Variants in CSF2RA observed in about 807,000 individuals in gnomAD.
The protein encoded by CSF2RA is colony stimulating factor 2 receptor subunit alpha.
CSF2RA carries 42 observed loss-of-function variants against 51.6 expected under a neutral mutation model. The ratio of observed to expected loss-of-function variants is 0.81; its 90% CI spans 0.64 to 1.05. The LOEUF (loss-of-function observed/expected upper bound fraction) is 1.05, where lower values mean the gene tolerates loss of function less well. Among genes scored for constraint, CSF2RA ranks in the 50% least tolerant of loss-of-function variants. CSF2RA has a pLI of 0.00. For missense variants in CSF2RA, 530 were observed against 501.1 expected (o/e 1.06, Z -0.55); for synonymous variants, 222 against 193.0 (o/e 1.15, Z -1.24).
chrX:1,309,663 G>A lies in CSF2RA; in HGVS notation c.*184G>A, dbSNP rs1272934388. 1.0e-5 allele frequency: 14 copies of A among 1,361,388 alleles called. No individual in the cohort carries two copies. Among genetic ancestry groups the A allele is most frequent in the African/African-American group, 4.3e-5 (3 of 69,674 alleles). 84.3% of individuals were successfully genotyped at this position (1,361,388 alleles called of 1,614,324 possible). ...GCACTTTGGGAGGCCAAGGCAGGCG[G>A]ATCACCTGAGGTCAGGAGTTCAAGA... On this transcript the variant is annotated 3_prime_UTR_variant, in exon 13 of 13. Transcript: ENST00000381529.
chrX:1,319,450 G>A, the CSF2RA span, among the ~76,000 whole-genome samples: 1 of 149,206 alleles, frequency 6.7e-6, no homozygotes, highest in African/African-American at 2.4e-5. Flanking sequence ...ACCACACCCG[G>A]CTAATTTTTG....
intron 2 of CSF2RA, among the ~76,000 whole-genome samples, chrX:1,280,728 TTCCTCCTCCTTC>T (rs1233415279): frequency 6.7e-6 from 1 of 149,236 alleles, no homozygotes; most frequent in Non-Finnish European, 1.5e-5. Context: ...CTTCTTCTTC[TTCCTCCTCCTTC>T]TCCTCCTCCT....
In CSF2RA at chrX:1,283,387, CTTT is replaced by C. The variant is rs1166479751; in HGVS notation, c.76+609_76+611del. 2.1e-4 allele frequency among the ~76,000 whole-genome samples: 31 copies of C among 148,028 alleles called. 1 individual carries two copies. The highest frequency in any genetic ancestry group is 7.7e-4 in the African/African-American group (31 of 40,126). On this transcript the variant is annotated intron_variant, in intron 3 of 12. Coordinates refer to ENST00000381529, the MANE Select transcript of CSF2RA (RefSeq NM_172245.4). ...TCCTTCTTCCGTCCCTCCCTTCTTT[CTTT>C]CTCTTTCTTCCTTCCCTCCTTCCCT...
At chrX:1,278,485 G>A (rs1468533849) in intron 2 of CSF2RA, among the ~76,000 whole-genome samples, 5 of 145,010 alleles carry the variant, frequency 3.4e-5, no homozygotes, top group Middle Eastern at 4.0e-3. Context: ...TCAGGATTTC[G>A]AGACCAGCCT....
chrX:1,323,400 A>G, the CSF2RA span, among the ~76,000 whole-genome samples: 3 of 152,010 alleles, frequency 2.0e-5, no homozygotes, highest in South Asian at 2.1e-4. Flanking sequence ...GTCCATAGTT[A>G]CTAGTCGGGA....
In CSF2RA at chrX:1,284,195, C is replaced by CTCTTTTTT. The variant is rs1443798206; in HGVS notation, c.76+1417_76+1418insCTTTTTTT. ...CAAGCGGTTTTCTTTCTCTGTCTCTCTTTTTTTTTTTTTTTTTTTTTTTTT... is the reference window on the plus strand; with the variant it reads ...CAAGCGGTTTTCTTTCTCTGTCTCTCTCTTTTTTTTTTTTTTTTTTTTTTTTTTTTTTT... On this transcript the variant is annotated intron_variant, in intron 3 of 12. Coordinates refer to ENST00000381529, the MANE Select transcript of CSF2RA (RefSeq NM_172245.4). 1.6e-3 allele frequency among the ~76,000 whole-genome samples: 146 copies of CTCTTTTTT among 91,780 alleles called. 22 individuals carry two copies. Among genetic ancestry groups the CTCTTTTTT allele is most frequent in the African/African-American group, 5.5e-3 (139 of 25,406 alleles). The allele number at this position is 91,780 out of a possible 152,430, so 60.2% of individuals were successfully genotyped here.
At chrX:1,283,175 C>CTTCCTTCCTTCGTTCTTTCCTTCG (rs1569496179) in intron 3 of CSF2RA, among the ~76,000 whole-genome samples, 15 of 112,874 alleles carry the variant, frequency 1.3e-4, no homozygotes, top group African/African-American at 5.0e-4. Flanking sequence ...TCGTTCCTTC[C>CTTCCTTCCTTCGTTCTTTCCTTCG]TTCCTTCCTT....
At chrX:1,291,523 C>T (rs1569503559) in intron 7 of CSF2RA, among the ~76,000 whole-genome samples, 1 of 151,906 alleles carries the variant, frequency 6.6e-6, no homozygotes, top group Non-Finnish European at 1.5e-5. Flanking sequence ...GTCCCATATG[C>T]CCACACGCTC....
the CSF2RA span, among the ~76,000 whole-genome samples, chrX:1,325,189 G>A: frequency 2.0e-5 from 3 of 148,958 alleles, no homozygotes; most frequent in African/African-American, 7.4e-5. Flanking sequence ...TGAAACCCCC[G>A]TCTCTACTAA....
chrX:1,307,746 T>TTATA (rs2083788444), intron 12 of CSF2RA, among the ~76,000 whole-genome samples: 1 of 105,668 alleles, frequency 9.5e-6, no homozygotes, highest in African/African-American at 2.9e-5. Context: ...GGCCCGTCCT[T>TTATA]CCCCCATTTA....
At chrX:1,285,950 G>A in intron 4 of CSF2RA, 30 bp downstream of exon 4, 1 of 1,613,656 alleles carries the variant, frequency 6.2e-7, no homozygotes, top group South Asian at 1.1e-5. Context: ...CTCAACCCCT[G>A]TCCTTTACAC....
chrX:1,311,820 G>A (rs2084205604), downstream of CSF2RA, among the ~76,000 whole-genome samples: 1 of 152,088 alleles, frequency 6.6e-6, no homozygotes, highest in South Asian at 2.1e-4. Context: ...AGACGAGACG[G>A]AAATTCATTT....
chrX:1,314,582 ACC>A (rs2084419694), downstream of CSF2RA, among the ~76,000 whole-genome samples: 1 of 52,752 alleles, frequency 1.9e-5, no homozygotes, highest in Non-Finnish European at 3.9e-5. Flanking sequence ...CACCTGCCCA[ACC>A]CCACTGCACC....
Position 1,271,805 on chromosome X carries a change from C to T in CSF2RA, c.-91+2926C>T, listed in dbSNP as rs1355019941. 1.2e-4 allele frequency among the ~76,000 whole-genome samples: 19 copies of T among 152,144 alleles called. No homozygotes were observed. In the South Asian group the frequency reaches 1.5e-3, roughly 12 times the overall value. On this transcript the variant is annotated intron_variant, in intron 1 of 12. Transcript: ENST00000381529. ...GGGCTGGGATTACAGACATGAACCA[C>T]GGAGCCCGGCCGGATTTCACTCTTT...
At chrX:1,322,642 A>G in the CSF2RA span, among the ~76,000 whole-genome samples, 3 of 151,028 alleles carry the variant, frequency 2.0e-5, no homozygotes, top group African/African-American at 7.3e-5. Context: ...GTTCTCCTGA[A>G]CGCCCCTGGC....
At chrX:1,291,613 C>T (rs2091407138) in intron 7 of CSF2RA, among the ~76,000 whole-genome samples, 1 of 152,064 alleles carries the variant, frequency 6.6e-6, no homozygotes, top group African/African-American at 2.4e-5. Context: ...AGGCTTAGGA[C>T]TCTCACAGAA....
intron 4 of CSF2RA, among the ~76,000 whole-genome samples, chrX:1,286,438 A>C (rs112334702): frequency 6.6e-6 from 1 of 150,904 alleles, no homozygotes; most frequent in Non-Finnish European, 1.5e-5. Flanking sequence ...GCATGGTGGC[A>C]GGCATCTGTA....
rs773129920 is a variant in CSF2RA at position 1,290,440 on chromosome X, C to A, written c.577C>A (p.Leu193Met). ...LSGLTSRNYFLVNGTSREIGI... is the reference protein window; with the variant it reads ...LSGLTSRNYFMVNGTSREIGI... ...AGGATTAACGTCTCGCAATTACTTT[C>A]TGGTTAACGGAACCAGCCGAGAAAT... The change falls in exon 7 of 13, where the codon CTG becomes ATG. Residue 193 changes from leucine to methionine, a missense_variant. Transcript: ENST00000381529. 1 of 1,613,860 alleles carries A rather than the reference C, an allele frequency of 6.2e-7. No homozygotes were observed. Among genetic ancestry groups the A allele is most frequent in the Non-Finnish European group, 8.5e-7 (1 of 1,179,824 alleles).
intron 10 of CSF2RA, among the ~76,000 whole-genome samples, chrX:1,302,098 T>C (rs1296686494): frequency 6.6e-6 from 1 of 151,300 alleles, no homozygotes; most frequent in Admixed American, 6.6e-5. Flanking sequence ...GTATTTTTAG[T>C]AGAGACGGGG....
Sources: gnomAD v4.1 joint callset for allele counts (sites outside exome capture counted in the v4.1 genomes callset) on GRCh38, gnomAD v4.1.1 for gene constraint, MANE v1.5 for transcripts, NCBI Gene and HGNC (gene_info 2026-07-23, HGNC 2026-07-21) for gene names.